Variants in TP53BP1 observed in about 807,000 individuals in gnomAD.
TP53BP1 encodes tumor protein p53 binding protein 1.
A neutral mutation model predicts 200.8 loss-of-function variants in TP53BP1; 61 were observed. The ratio of observed to expected loss-of-function variants is 0.30; its 90% CI spans 0.25 to 0.38. The LOEUF is 0.38. Among genes scored for constraint, TP53BP1 ranks in the 10% least tolerant of loss-of-function variants. The pLI, the probability that TP53BP1 is intolerant of heterozygous loss-of-function variation, is 1.00. For missense variants in TP53BP1, 2,144 were observed against 2,371.9 expected, an observed-to-expected ratio of 0.90 and a Z score of 2.00; for synonymous variants, 822 against 844.3, an observed-to-expected ratio of 0.97 and a Z score of 0.46.
upstream of TP53BP1, chr15:43,497,414 C>T (rs1163529334): frequency 1.9e-5 from 19 of 985,218 alleles, no homozygotes; most frequent in Non-Finnish European, 2.0e-5. Context: ...TTATCTTTGA[C>T]GTCTGTAGTG....
In TP53BP1 at chr15:43,407,278, C is replaced by G. The variant is rs1200409942; in HGVS notation, c.*105G>C. On this transcript the variant is annotated 3_prime_UTR_variant, in exon 28 of 28. Transcript: ENST00000382044. The stretch of plus-strand genomic sequence containing the variant: ...AAAGTTCAGCAAATAAAACTATATA[C>G]AAGATCCATGCAAGGAATCCAGTTA... The G allele has an allele frequency of 7.4e-6, 7 of 941,500 alleles. No individual in the cohort carries two copies. The highest frequency in any genetic ancestry group is 9.8e-6 in the Non-Finnish European group (6 of 612,742). 58.3% of individuals were successfully genotyped at this position (941,500 alleles called of 1,614,324 possible).
Position 43,404,048 on chromosome 15 carries a change from GT to G in TP53BP1, c.*3334del. The stretch of plus-strand genomic sequence containing the variant: ...CAGCCCATCAAATAAGCATTGGGTT[GT>G]TCTAACTTCCTCACATCCTCCCCCC... On this transcript the variant is annotated 3_prime_UTR_variant, in exon 28 of 28. Transcript: ENST00000382044. The G allele has an allele frequency of 1.9e-6, 1 of 539,662 alleles. No homozygotes were observed. The highest frequency in any genetic ancestry group is 3.3e-6 in the Non-Finnish European group (1 of 303,584). The allele number at this position is 539,662 out of a possible 1,614,324, so 33.4% of individuals were successfully genotyped here.
At chr15:43,487,047 A>C (rs1326455904) in intron 4 of TP53BP1, among the ~76,000 whole-genome samples, 1 of 152,242 alleles carries the variant, frequency 6.6e-6, no homozygotes, top group Non-Finnish European at 1.5e-5. Flanking sequence ...ATAGAGTGGG[A>C]GAAAATATTT....
rs1393145789 is a variant in TP53BP1 at position 43,475,801 on chromosome 15, T to C, written c.956-107A>G. 2.9e-6 allele frequency: 4 copies of C among 1,372,408 alleles called. No homozygotes were observed. The African/African-American group carries it at 4.4e-5, about 15-fold the overall frequency. 85.0% of individuals were successfully genotyped at this position (1,372,408 alleles called of 1,614,324 possible). The stretch of plus-strand genomic sequence containing the variant: ...TATCCATATTTCCAACATATTTCCA[T>C]ATTTCCAAAAGGGCAGAAATTGTTT... On this transcript the variant is annotated intron_variant, in intron 8 of 27. Transcript: ENST00000382044.
In TP53BP1 at chr15:43,416,243, C is replaced by T; in HGVS notation, c.4855G>A (p.Ala1619Thr). 6.2e-7 allele frequency: 1 copy of T among 1,613,788 alleles called. No homozygotes were observed. The highest frequency in any genetic ancestry group is 8.5e-7 in the Non-Finnish European group (1 of 1,179,906). Residue 1619 changes from alanine to threonine, a missense_variant, in exon 22 of 28, where the codon GCA (alanine) becomes ACA (threonine). Transcript: ENST00000382044. ...PYEAVTPLTK[A>T]ADISLDNLVE... ...GTCTTACCTAAGCTGATATCTGCTG[C>T]CTTTGTAAGAGGTGTTACTGCTTCA...
At chr15:43,439,086 C>A (rs1356817876) in intron 15 of TP53BP1, among the ~76,000 whole-genome samples, 2 of 152,088 alleles carry the variant, frequency 1.3e-5, no homozygotes, top group Non-Finnish European at 2.9e-5. Context: ...TCAAGACTGG[C>A]CATAAGAAAT....
At chr15:43,481,070 A>T in intron 4 of TP53BP1, 48 bp from the exon 5 acceptor site, 1 of 1,611,388 alleles carries the variant, frequency 6.2e-7, no homozygotes. Flanking sequence ...AGTTTGGGAC[A>T]CTTTAATCAG....
In TP53BP1 at chr15:43,509,543, G is replaced by A. The variant is rs181480084; in HGVS notation, c.-9+827C>T. ...CCTGCCTCAGCCTCCCGAGTAGCTGGGATTATAGGCGCCCAACACCACGCC... is the reference window on the plus strand; with the variant it reads ...CCTGCCTCAGCCTCCCGAGTAGCTGAGATTATAGGCGCCCAACACCACGCC... On this transcript the variant is annotated intron_variant, in intron 1 of 27. Coordinates refer to the TP53BP1 transcript ENST00000263801. 5.0e-3 allele frequency among the ~76,000 whole-genome samples: 755 copies of A among 152,112 alleles called. 3 individuals carry two copies. Among genetic ancestry groups the A allele is most frequent in the Non-Finnish European group, 7.0e-3 (478 of 68,000 alleles).
At chr15:43,448,930 C>T (rs924302159) in intron 12 of TP53BP1, among the ~76,000 whole-genome samples, 1 of 152,006 alleles carries the variant, frequency 6.6e-6, no homozygotes, top group South Asian at 2.1e-4. Flanking sequence ...AGTTCGAGAC[C>T]AGCCTGGCCA....
At chr15:43,422,186 G>A in intron 18 of TP53BP1, 60 bp from the exon 19 acceptor site, 1 of 1,548,482 alleles carries the variant, frequency 6.5e-7, no homozygotes, top group East Asian at 2.3e-5. Flanking sequence ...ATGCTAATAT[G>A]ATGGTTGGAA....
In TP53BP1 at chr15:43,422,036, T is replaced by C. The variant is rs149637503; in HGVS notation, c.3919A>G (p.Ile1307Val). Residue 1307 changes from isoleucine to valine, a missense_variant, in exon 19 of 28, where the codon ATC becomes GTC. This residue lies in a region of TP53BP1 where 1,700 missense variants were observed against 1,710.3 expected (regional missense o/e 0.99). Coordinates refer to ENST00000382044, the MANE Select transcript of TP53BP1 (RefSeq NM_001141980.3). The stretch of plus-strand genomic sequence containing the variant: ...GATGCCTTGGAGGAGAAGGAGCTGA[T>C]ATCCCCCAGGTCACCTGAGGAGCCC... ...TGGSSGDLGD[I>V]SSFSSKASSL... The C allele has an allele frequency of 1.9e-6, 3 of 1,614,070 alleles. No homozygotes were observed. In the African/African-American group the frequency reaches 4.0e-5, roughly 22 times the overall value.
At chr15:43,424,468 CA>C (rs2045479346) in intron 18 of TP53BP1, among the ~76,000 whole-genome samples, 1 of 152,144 alleles carries the variant, frequency 6.6e-6, no homozygotes. Flanking sequence ...TTCACATCTG[CA>C]AAATGAGAAT....
In TP53BP1 at chr15:43,456,290, A is replaced by G. The variant is rs374945606; in HGVS notation, c.2318T>C (p.Val773Ala). ...CTCCAAAGGTTCACAAGAAACATCA[A>G]CTCTGGGAGATGGCTCTTTCACATC... ...IVDVKEPSPR[V>A]DVSCEPLEGV... The change falls in exon 12 of 28, where the codon GTT becomes GCT. Residue 773 changes from valine (V) to alanine (A), a missense_variant. By Grantham distance (64) the Val-to-Ala change is moderately conservative (BLOSUM62 0). Around this residue, in one of 4 missense-constraint regions of TP53BP1, gnomAD observed 1,700 missense variants for 1,710.3 expected, o/e 0.99. Transcript: ENST00000382044. 6.8e-6 allele frequency: 11 copies of G among 1,613,988 alleles called. No individual in the cohort carries two copies. The highest frequency in any genetic ancestry group is 3.3e-4 in the Middle Eastern group (2 of 6,084).
chr15:43,436,597 TCCAAGTAGCTGGGACCAC>T (rs2045804664), intron 16 of TP53BP1, among the ~76,000 whole-genome samples: 1 of 151,102 alleles, frequency 6.6e-6, no homozygotes, highest in Non-Finnish European at 1.5e-5. Context: ...ACTTCAGTCT[TCCAAGTAGCTGGGACCAC>T]AAGCGCATGC....
chr15:43,497,465 G>C, upstream of TP53BP1: 1 of 985,274 alleles, frequency 1.0e-6, no homozygotes, highest in African/African-American at 1.7e-5. Context: ...TTCTCATCCT[G>C]TGACTCGATA....
chr15:43,419,898 A>C (rs2142990120), intron 21 of TP53BP1, among the ~76,000 whole-genome samples: 3 of 152,324 alleles, frequency 2.0e-5, no homozygotes, highest in Non-Finnish European at 4.4e-5. Context: ...GAAGAGAAAA[A>C]GGACATGATG....
chr15:43,483,920 A>G (rs2079010241), intron 4 of TP53BP1, among the ~76,000 whole-genome samples: 1 of 152,154 alleles, frequency 6.6e-6, no homozygotes, highest in African/African-American at 2.4e-5. Flanking sequence ...ACATTCACCC[A>G]CTTAATGACC....
chr15:43,436,304 T>C (rs974481048), intron 16 of TP53BP1, among the ~76,000 whole-genome samples: 2 of 152,152 alleles, frequency 1.3e-5, no homozygotes, highest in South Asian at 2.1e-4. Flanking sequence ...GTTACTGATA[T>C]ACCTACTGAC....
At chr15:43,487,258 CAAT>C (rs1566965468) in intron 4 of TP53BP1, among the ~76,000 whole-genome samples, 1 of 151,982 alleles carries the variant, frequency 6.6e-6, no homozygotes, top group Non-Finnish European at 1.5e-5. Context: ...ACTGAAACAA[CAAT>C]GAGGTATCAC....
Sources: allele counts gnomAD v4.1 joint callset (sites outside exome capture counted in the v4.1 genomes callset), GRCh38; gene constraint gnomAD v4.1.1; regional missense constraint gnomAD v4.1.1; transcripts MANE v1.5; gene names NCBI Gene and HGNC (gene_info 2026-07-23, HGNC 2026-07-21).